IL34: variants seen among roughly 807,000 people sequenced by gnomAD.
IL34 encodes interleukin-34.
A neutral mutation model predicts 25.3 loss-of-function variants in IL34; 17 were observed. That is an observed-to-expected ratio of 0.67 (90% CI 0.46 to 1.01). The LOEUF is 1.01. Among genes scored for constraint, IL34 ranks in the 50% least tolerant of loss-of-function variants. IL34 has a pLI of 0.00. For synonymous variants in IL34, 174 were observed against 140.9 expected, an observed-to-expected ratio of 1.23 and a Z score of -1.66; for missense variants, 368 against 312.9, an observed-to-expected ratio of 1.18 and a Z score of -1.33.
Position 70,624,203 on chromosome 16 carries a change from C to G in IL34, c.-400-22345C>G, listed in dbSNP as rs569439449. 7.8e-3 allele frequency among the ~76,000 whole-genome samples: 1,175 copies of G among 151,342 alleles called. 16 individuals carry two copies. Among genetic ancestry groups the G allele is most frequent in the African/African-American group, 0.027 (1,105 of 40,776 alleles). On this transcript the variant is annotated intron_variant, in intron 1 of 6. Coordinates refer to the IL34 transcript ENST00000429149. ...CGGCTTAGGAGGAATCCCGGGCTGC[C>G]GGCATTCCTTGGCCCAGTGGCCAGA...
intron 2 of IL34, among the ~76,000 whole-genome samples, chr16:70,655,135 C>G (rs560757775): frequency 6.6e-6 from 1 of 151,846 alleles, no homozygotes; most frequent in Admixed American, 6.6e-5. Context: ...TCACTGCAAC[C>G]TCCACCTCCC....
At chr16:70,625,540 C>T (rs1025878905) in intron 1 of IL34, among the ~76,000 whole-genome samples, 14 of 152,154 alleles carry the variant, frequency 9.2e-5, no homozygotes, top group Admixed American at 5.2e-4. Context: ...CTTGCCCCTC[C>T]CCCAGAAAAG....
At chr16:70,600,707 G>A (rs2050901686) in intron 1 of IL34, among the ~76,000 whole-genome samples, 1 of 152,210 alleles carries the variant, frequency 6.6e-6, no homozygotes, top group South Asian at 2.1e-4. Context: ...GAAATGAGGT[G>A]TAACTGGTTG....
At position 70,660,216 on chromosome 16, in the gene IL34, G is replaced by A. The variant is rs375275661; in HGVS notation, c.*29G>A. The A allele has an allele frequency of 6.5e-7, 1 of 1,529,942 alleles. No individual in the cohort carries two copies. Among genetic ancestry groups the A allele is most frequent in the Non-Finnish European group, 8.8e-7 (1 of 1,140,280 alleles). The allele number at this position is 1,529,942 out of a possible 1,614,324, so 94.8% of individuals were successfully genotyped here. A position where few individuals can be genotyped will look rare whatever the true frequency, so the allele number is the denominator to read the frequency against. ...CCCTGGATGGTGACTGCGGATAGGG[G>A]CAGCCAGACCAGCTCCCACAGGAGT... On this transcript the variant is annotated 3_prime_UTR_variant, in exon 6 of 6. Transcript: ENST00000288098.
At chr16:70,624,972 G>A (rs895288359) in intron 1 of IL34, among the ~76,000 whole-genome samples, 1 of 151,884 alleles carries the variant, frequency 6.6e-6, no homozygotes, top group African/African-American at 2.4e-5. Context: ...GACTAGGAAG[G>A]GACTGATGTG....
intron 2 of IL34, 37 bp from the exon 3 acceptor site, chr16:70,656,565 A>G (rs2052225768): frequency 1.1e-6 from 1 of 918,918 alleles, no homozygotes; most frequent in East Asian, 2.4e-5. Flanking sequence ...GGTCATTTCT[A>G]CTTCTGGCCT....
intron 1 of IL34, among the ~76,000 whole-genome samples, chr16:70,612,664 T>C (rs1377149865): frequency 6.6e-6 from 1 of 152,214 alleles, no homozygotes; most frequent in Non-Finnish European, 1.5e-5. Flanking sequence ...TTGACAGGTA[T>C]AAAGTGAGTT....
Position 70,652,258 on chromosome 16 carries a change from C to A in IL34, c.29-2280C>A, listed in dbSNP as rs1348214003. Among the ~76,000 whole-genome samples the A allele has an allele frequency of 6.6e-5, 10 of 152,186 alleles. No individual in the cohort carries two copies. The East Asian group carries it at 1.5e-3, about 24-fold the overall frequency. On this transcript the variant is annotated intron_variant, in intron 1 of 5. Transcript: ENST00000288098. ...ATCACTTGAGCATAGGAGTTCAAAACCAGCCTGGGCAAAACAGCAAGACCT... is the reference window on the plus strand; with the variant it reads ...ATCACTTGAGCATAGGAGTTCAAAAACAGCCTGGGCAAAACAGCAAGACCT...
intron 1 of IL34, among the ~76,000 whole-genome samples, chr16:70,624,779 A>T (rs527806409): frequency 2.0e-5 from 3 of 152,076 alleles, no homozygotes; most frequent in Admixed American, 2.0e-4. Context: ...AAAGGATTAT[A>T]GGGTGGAGGA....
At chr16:70,589,856 C>A (rs1416494562) in intron 1 of IL34, among the ~76,000 whole-genome samples, 1 of 152,186 alleles carries the variant, frequency 6.6e-6, no homozygotes, top group Non-Finnish European at 1.5e-5. Flanking sequence ...CTCCTGACCT[C>A]AAATGATCCG....
At chr16:70,602,306 C>T (rs2151818701) in intron 1 of IL34, among the ~76,000 whole-genome samples, 1 of 152,262 alleles carries the variant, frequency 6.6e-6, no homozygotes, top group East Asian at 1.9e-4. Context: ...TACTTGCTCC[C>T]CAACTTGCCA....
At chr16:70,598,747 A>G (rs2050862086) in intron 1 of IL34, among the ~76,000 whole-genome samples, 1 of 152,170 alleles carries the variant, frequency 6.6e-6, no homozygotes, top group African/African-American at 2.4e-5. Context: ...CATAAAATTA[A>G]AAAAAGAAAT....
At chr16:70,631,942 A>G (rs1346410305) in intron 1 of IL34, among the ~76,000 whole-genome samples, 2 of 151,812 alleles carry the variant, frequency 1.3e-5, no homozygotes, top group African/African-American at 4.8e-5. Context: ...AAAAATTATA[A>G]TACAAAAAAT....
chr16:70,586,111 C>T (rs2050691789), intron 1 of IL34, among the ~76,000 whole-genome samples: 1 of 152,208 alleles, frequency 6.6e-6, no homozygotes, highest in African/African-American at 2.4e-5. Flanking sequence ...GGATTACAGG[C>T]ATGAGCCACC....
intron 1 of IL34, among the ~76,000 whole-genome samples, chr16:70,625,341 G>A (rs1022224829): frequency 6.6e-6 from 1 of 152,014 alleles, no homozygotes; most frequent in Non-Finnish European, 1.5e-5. Context: ...AAGGGGGGTC[G>A]GGGCATGGAA....
At chr16:70,619,854 T>C (rs866502987) in intron 1 of IL34, among the ~76,000 whole-genome samples, 5 of 152,142 alleles carry the variant, frequency 3.3e-5, no homozygotes, top group Middle Eastern at 3.2e-3. Context: ...CCCACACAGA[T>C]GGGACGCGGC....
intron 1 of IL34, among the ~76,000 whole-genome samples, chr16:70,621,528 T>G (rs1171119972): frequency 6.6e-6 from 1 of 152,062 alleles, no homozygotes; most frequent in African/African-American, 2.4e-5. Context: ...CGTAGGTGGA[T>G]CTTTCTCATG....
At chr16:70,658,567 C>T (rs149928826) in intron 4 of IL34, among the ~76,000 whole-genome samples, 116 of 151,998 alleles carry the variant, frequency 7.6e-4, no homozygotes, top group African/African-American at 2.1e-3. Flanking sequence ...CTGCAACCTC[C>T]GTCTCCCAGG....
chr16:70,594,912 TC>T (rs1324681014), intron 1 of IL34, among the ~76,000 whole-genome samples: 1 of 151,746 alleles, frequency 6.6e-6, no homozygotes, highest in Admixed American at 6.6e-5. Context: ...CCCTCATATT[TC>T]CAGGTGGCTG....
Sources: allele counts gnomAD v4.1 joint callset (sites outside exome capture counted in the v4.1 genomes callset), GRCh38; gene constraint gnomAD v4.1.1; transcripts MANE v1.5; gene names NCBI Gene and HGNC (gene_info 2026-07-23, HGNC 2026-07-21).